Variants in UNC13C observed in about 807,000 individuals in gnomAD.
The protein encoded by UNC13C is unc-13 homolog C, also known as protein unc-13 homolog C.
In UNC13C, 174 loss-of-function variants were observed where a neutral mutation model predicts 245.4. The observed-to-expected ratio is 0.71, with a 90% CI of 0.63 to 0.80. The LOEUF (loss-of-function observed/expected upper bound fraction) is 0.80. Among genes scored for constraint, UNC13C ranks in the 30% least tolerant of loss-of-function variants. UNC13C has a pLI of 0.00. For synonymous variants in UNC13C, 992 were observed against 895.1 expected, an observed-to-expected ratio of 1.11 and a Z score of -1.93; for missense variants, 2,829 against 2,602.9, an observed-to-expected ratio of 1.09 and a Z score of -1.89.
chr15:53,941,760 A>G, the UNC13C span, among the ~76,000 whole-genome samples: 2 of 152,216 alleles, frequency 1.3e-5, no homozygotes, highest in Non-Finnish European at 2.9e-5. Flanking sequence ...ATATGAACAG[A>G]CATCTCCCAA....
In UNC13C at chr15:54,018,175, G is replaced by A. The variant is rs544864646; in HGVS notation, c.2983+2289G>A. ...TTTCCTGCTCAGAGCATCCCAAAGAGGTGCCAATTGTCATGATGGTTTCTG... is the reference window on the plus strand; with the variant it reads ...TTTCCTGCTCAGAGCATCCCAAAGAAGTGCCAATTGTCATGATGGTTTCTG... On this transcript the variant is annotated intron_variant, in intron 2 of 32. Transcript: ENST00000260323. Among the ~76,000 whole-genome samples the A allele has an allele frequency of 7.2e-5, 11 of 152,264 alleles. No homozygotes were observed. The South Asian group carries it at 1.9e-3, about 26-fold the overall frequency.
chr15:54,050,229 C>T, intron 2 of UNC13C: 1 of 533,318 alleles, frequency 1.9e-6, no homozygotes. Flanking sequence ...ACCTCAGCCT[C>T]CCAAAGTTCT....
the UNC13C span, among the ~76,000 whole-genome samples, chr15:53,865,876 A>T: frequency 1.3e-5 from 2 of 152,194 alleles, no homozygotes; most frequent in Admixed American, 6.5e-5. Flanking sequence ...AAATATTCAC[A>T]TACAAAAAAT....
At chr15:53,942,698 C>A in the UNC13C span, among the ~76,000 whole-genome samples, 1 of 152,166 alleles carries the variant, frequency 6.6e-6, no homozygotes, top group South Asian at 2.1e-4. Flanking sequence ...GAGTCTCACT[C>A]TGTCACCCAG....
At position 54,437,219 on chromosome 15, in the gene UNC13C, C is replaced by G. The variant is rs117365675; in HGVS notation, c.4933+22152C>G. Among the ~76,000 whole-genome samples, 7 of 152,028 alleles carry G rather than the reference C, an allele frequency of 4.6e-5. 1 individual carries two copies. In the East Asian group the frequency reaches 1.4e-3, roughly 30 times the overall value. Reference sequence around the variant, plus strand: ...GTGTTGGCAAATCCCCAGAAAGTTCCAAAAGAGGAAATACATGTCCATCTT... The same window carrying G: ...GTGTTGGCAAATCCCCAGAAAGTTCGAAAAGAGGAAATACATGTCCATCTT... On this transcript the variant is annotated intron_variant, in intron 19 of 32. Coordinates refer to ENST00000260323, the MANE Select transcript of UNC13C (RefSeq NM_001080534.3).
At chr15:54,143,431 G>T (rs2032115319) in intron 3 of UNC13C, among the ~76,000 whole-genome samples, 189 bp from the exon 4 acceptor site, 1 of 151,822 alleles carries the variant, frequency 6.6e-6, no homozygotes, top group Admixed American at 6.5e-5. Context: ...TTTAAATGCT[G>T]ACAGCTAATT....
At chr15:54,450,225 C>T (rs1891093004) in intron 19 of UNC13C, among the ~76,000 whole-genome samples, 1 of 152,204 alleles carries the variant, frequency 6.6e-6, no homozygotes, top group Admixed American at 6.5e-5. Context: ...GTCGGGGACC[C>T]ACTTGAGGAG....
chr15:53,929,262 G>T, the UNC13C span, among the ~76,000 whole-genome samples: 1 of 152,132 alleles, frequency 6.6e-6, no homozygotes, highest in Non-Finnish European at 1.5e-5. Context: ...CCACCCCCAT[G>T]ATTCAATTAC....
At chr15:54,184,826 C>A (rs1326070575) in intron 4 of UNC13C, among the ~76,000 whole-genome samples, 3 of 152,136 alleles carry the variant, frequency 2.0e-5, no homozygotes, top group African/African-American at 4.8e-5. Flanking sequence ...AGTTCTAGAT[C>A]CCTGAGCAAT....
the UNC13C span, among the ~76,000 whole-genome samples, chr15:53,947,059 A>G: frequency 3.9e-5 from 6 of 152,280 alleles, no homozygotes; most frequent in Admixed American, 3.9e-4. Context: ...TCAATTTTTT[A>G]TCTTTTGTTC....
intron 30 of UNC13C, among the ~76,000 whole-genome samples, chr15:54,597,100 C>A (rs550500796): frequency 6.6e-6 from 1 of 152,174 alleles, no homozygotes; most frequent in Non-Finnish European, 1.5e-5. Flanking sequence ...GAGTGCACAA[C>A]CCAGATCCCT....
rs1348917156 is a variant in UNC13C, at chr15:54,061,404, A to G, written c.2983+45518A>G. ...AATTTTAGTTGTGCAAACAAAAGAA[A>G]CACCTCTTTGCTCTTGGAAGCTTGC... is the stretch of plus-strand genomic sequence containing the variant. On this transcript the variant is annotated intron_variant, in intron 2 of 32. Transcript: ENST00000260323. Among the ~76,000 whole-genome samples the G allele has an allele frequency of 2.0e-5, 3 of 152,198 alleles. No individual in the cohort carries two copies. The East Asian group carries it at 5.8e-4, about 29-fold the overall frequency.
chr15:54,131,876 A>C (rs2141215738), intron 2 of UNC13C, among the ~76,000 whole-genome samples: 1 of 152,156 alleles, frequency 6.6e-6, no homozygotes, highest in African/African-American at 2.4e-5. Flanking sequence ...GCCTTTTGAA[A>C]TCCTTTTTAC....
chr15:54,088,663 G>A (rs1248738610), intron 2 of UNC13C, among the ~76,000 whole-genome samples: 1 of 152,098 alleles, frequency 6.6e-6, no homozygotes, highest in African/African-American at 2.4e-5. Context: ...GGGTAAATTT[G>A]GTGTGGGAGT....
At chr15:54,534,794 T>C (rs1895917276) in intron 26 of UNC13C, among the ~76,000 whole-genome samples, 1 of 152,120 alleles carries the variant, frequency 6.6e-6, no homozygotes, top group African/African-American at 2.4e-5. Flanking sequence ...TAATCAGCAG[T>C]CTTAGTATCC....
chr15:54,590,527 G>GGTTT (rs559924634), intron 30 of UNC13C, among the ~76,000 whole-genome samples: 38 of 151,862 alleles, frequency 2.5e-4, no homozygotes, highest in South Asian at 1.9e-3. Context: ...TATTCCTAAG[G>GGTTT]GTTTGTTTGT....
chr15:54,431,648 G>C (rs2040876148), intron 19 of UNC13C, among the ~76,000 whole-genome samples: 1 of 151,650 alleles, frequency 6.6e-6, no homozygotes, highest in Admixed American at 6.6e-5. Flanking sequence ...TTTCAAGACT[G>C]TTGGTTATAC....
chr15:54,541,922 T>C (rs1022836965), intron 26 of UNC13C, among the ~76,000 whole-genome samples: 4 of 152,080 alleles, frequency 2.6e-5, no homozygotes, highest in Admixed American at 6.6e-5. Flanking sequence ...ATGTATTTCC[T>C]TGGTGTTCCT....
At chr15:53,985,722 T>C (rs1232982376) in intron 1 of UNC13C, among the ~76,000 whole-genome samples, 1 of 152,050 alleles carries the variant, frequency 6.6e-6, no homozygotes, top group Non-Finnish European at 1.5e-5. Context: ...GCCTACCTGA[T>C]GTCATAACCA....
Sources: gnomAD v4.1 joint callset for allele counts (sites outside exome capture counted in the v4.1 genomes callset) on GRCh38, gnomAD v4.1.1 for gene constraint, MANE v1.5 for transcripts, NCBI Gene and HGNC (gene_info 2026-07-23, HGNC 2026-07-21) for gene names.